Variants in KIAA1549L observed in about 807,000 individuals in gnomAD.
KIAA1549L encodes UPF0606 protein KIAA1549L.
KIAA1549L carries 88 observed loss-of-function variants against 160.7 expected under a neutral mutation model. The observed-to-expected ratio is 0.55, with a 90% confidence interval of 0.46 to 0.65. KIAA1549L has a LOEUF of 0.65. KIAA1549L is among the 30% of genes least tolerant of loss of function. KIAA1549L has a pLI of 0.00. For missense variants in KIAA1549L, 2,258 were observed against 2,437.5 expected (o/e 0.93, Z 1.55); for synonymous variants, 950 against 976.7 (o/e 0.97, Z 0.51).
chr11:33,537,017 C>A (rs1853909771), intron 1 of KIAA1549L, among the ~76,000 whole-genome samples: 1 of 152,216 alleles, frequency 6.6e-6, no homozygotes, highest in Non-Finnish European at 1.5e-5. Flanking sequence ...GCTACTGGAG[C>A]AATGGTCCGG....
chr11:33,646,620 ACT>A (rs1413010585), intron 17 of KIAA1549L, among the ~76,000 whole-genome samples: 2 of 152,190 alleles, frequency 1.3e-5, no homozygotes, highest in African/African-American at 4.8e-5. Flanking sequence ...ATCATAAAAG[ACT>A]CTGCAAAAAT....
chr11:33,574,854 T>A lies in KIAA1549L; in HGVS notation c.4383T>A (p.Val1461=). 1.9e-6 allele frequency: 3 copies of A among 1,613,762 alleles called. No homozygotes were observed. The highest frequency in any genetic ancestry group is 2.5e-6 in the Non-Finnish European group (3 of 1,179,742). ...SQRMALTLHH[V]VLLQADPVVK... is the part of the protein sequence containing the mutation. ...GGATGGCCTTGACCCTTCATCACGT[T>A]GTCCTTCTGCAAGCTGACCGTAAGG... Residue 1461 remains valine, a synonymous_variant, in exon 10 of 21, where the codon GTT becomes GTA. Transcript: ENST00000658780.
intron 1 of KIAA1549L, among the ~76,000 whole-genome samples, chr11:33,532,290 A>G (rs922703828): frequency 6.6e-6 from 1 of 152,210 alleles, no homozygotes; most frequent in African/African-American, 2.4e-5. Context: ...GATTCTGACA[A>G]TCCATGATTT....
intron 12 of KIAA1549L, among the ~76,000 whole-genome samples, chr11:33,596,789 C>A (rs1850213215): frequency 6.7e-6 from 1 of 148,422 alleles, no homozygotes; most frequent in African/African-American, 2.4e-5. Flanking sequence ...TTATAAAAAG[C>A]CTTTTCCTTT....
At chr11:33,606,518 C>A in intron 13 of KIAA1549L, 123 bp from the exon 14 acceptor site, 1 of 876,110 alleles carries the variant, frequency 1.1e-6, no homozygotes, top group Non-Finnish European at 1.7e-6. Flanking sequence ...GAAGCAGATG[C>A]TGTCGTTTCT....
At chr11:33,531,637 A>G (rs1375775866) in intron 1 of KIAA1549L, among the ~76,000 whole-genome samples, 1 of 152,214 alleles carries the variant, frequency 6.6e-6, no homozygotes, top group Non-Finnish European at 1.5e-5. Context: ...AGAATCTTCT[A>G]TTTGCTGGCA....
At chr11:33,559,038 A>C (rs376813363) in intron 6 of KIAA1549L, among the ~76,000 whole-genome samples, 3 of 151,586 alleles carry the variant, frequency 2.0e-5, no homozygotes, top group South Asian at 2.1e-4. Context: ...GGGTTTCGCT[A>C]TGTTGGCCAG....
intron 1 of KIAA1549L, among the ~76,000 whole-genome samples, chr11:33,527,614 G>T (rs1011700255): frequency 6.6e-6 from 1 of 152,138 alleles, no homozygotes; most frequent in African/African-American, 2.4e-5. Context: ...AAAAGCTTCT[G>T]CACAGCAAAA....
intron 20 of KIAA1549L, among the ~76,000 whole-genome samples, chr11:33,665,870 G>A (rs1852431652): frequency 6.6e-6 from 1 of 152,176 alleles, no homozygotes; most frequent in South Asian, 2.1e-4. Context: ...CAGGGAGGGG[G>A]GCACCTTCCC....
chr11:33,505,868 G>A (rs1301743724), intron 1 of KIAA1549L, among the ~76,000 whole-genome samples: 1 of 152,134 alleles, frequency 6.6e-6, no homozygotes, highest in African/African-American at 2.4e-5. Context: ...AGATTCTAAT[G>A]TTATACGATA....
intron 20 of KIAA1549L, among the ~76,000 whole-genome samples, chr11:33,662,721 A>G (rs1852308507): frequency 6.6e-6 from 1 of 152,178 alleles, no homozygotes; most frequent in Admixed American, 6.5e-5. Flanking sequence ...GGAGTTGGTG[A>G]AAGTATTTTC....
chr11:33,598,718 A>G (rs189481545), intron 12 of KIAA1549L, 102 bp from the exon 13 acceptor site: 3 of 1,361,274 alleles, frequency 2.2e-6, no homozygotes, highest in Admixed American at 4.3e-5. Flanking sequence ...TTAAACTGGA[A>G]TGAAAGGCTA....
At chr11:33,639,274 G>C (rs74442300) in intron 16 of KIAA1549L, among the ~76,000 whole-genome samples, 3,637 of 152,198 alleles carry the variant, frequency 0.024, 163 homozygotes, top group African/African-American at 0.082. Context: ...TAGATGTATT[G>C]GACTGGTTCA....
intron 1 of KIAA1549L, among the ~76,000 whole-genome samples, chr11:33,489,251 G>A (rs537339484): frequency 7.9e-4 from 121 of 152,298 alleles, no homozygotes; most frequent in Non-Finnish European, 1.4e-3. Flanking sequence ...GTAAGGTCTC[G>A]CTCCCCACCT....
At chr11:33,493,616 A>G (rs1010297154) in intron 1 of KIAA1549L, among the ~76,000 whole-genome samples, 3 of 152,176 alleles carry the variant, frequency 2.0e-5, no homozygotes, top group Middle Eastern at 6.3e-3. Context: ...TATCAACTAA[A>G]TTGTTGCTTT....
At chr11:33,578,863 G>A (rs879360404) in intron 10 of KIAA1549L, among the ~76,000 whole-genome samples, 7 of 152,156 alleles carry the variant, frequency 4.6e-5, no homozygotes, top group Non-Finnish European at 1.0e-4. Context: ...CATAACAGTT[G>A]TTGTCTGTCT....
At chr11:33,461,822 A>C (rs893275202) in intron 1 of KIAA1549L, among the ~76,000 whole-genome samples, 1 of 152,212 alleles carries the variant, frequency 6.6e-6, no homozygotes, top group African/African-American at 2.4e-5. Context: ...AAATTGAGGC[A>C]TCGAGAGATA....
intron 1 of KIAA1549L, among the ~76,000 whole-genome samples, chr11:33,382,074 C>T (rs566579279): frequency 9.2e-5 from 14 of 152,168 alleles, no homozygotes; most frequent in Admixed American, 3.9e-4. Flanking sequence ...GGTCCTAAGG[C>T]ATACATTTTG....
chr11:33,405,445 TAGAC>T, intron 1 of KIAA1549L, among the ~76,000 whole-genome samples: 1 of 151,716 alleles, frequency 6.6e-6, no homozygotes, highest in Non-Finnish European at 1.5e-5. Flanking sequence ...GCTGCTGTAA[TAGAC>T]TAACAAAAAA....
Sources: allele counts gnomAD v4.1 joint callset (sites outside exome capture counted in the v4.1 genomes callset), GRCh38; gene constraint gnomAD v4.1.1; transcripts MANE v1.5; gene names NCBI Gene and HGNC (gene_info 2026-07-23, HGNC 2026-07-21).